FGF11: variants seen among roughly 807,000 people sequenced by gnomAD.
FGF11 encodes fibroblast growth factor homologous factor 3.
In FGF11, 25 loss-of-function variants were observed where a neutral mutation model predicts 25.1. The observed-to-expected ratio is 1.00, with a 90% CI of 0.73 to 1.39. FGF11 has a LOEUF of 1.39. Among genes scored for constraint, FGF11 ranks in the 40% most tolerant of loss-of-function variants. The pLI is 0.00. For missense variants in FGF11, 320 were observed against 311.0 expected (o/e 1.03, Z -0.22); for synonymous variants, 130 against 128.9 (o/e 1.01, Z -0.06).
At chr17:7,439,914 G>C in intron 1 of FGF11, 101 bp downstream of exon 1, 4 of 1,009,960 alleles carry the variant, frequency 4.0e-6, no homozygotes, top group Non-Finnish European at 5.3e-6. Flanking sequence ...GGGGCTCCCC[G>C]AAAGTGGAAG....
Position 7,440,518 on chromosome 17 carries a change from C to A in FGF11, c.193+705C>A. The A allele has an allele frequency of 3.2e-6, 1 of 313,800 alleles. No individual in the cohort carries two copies. The highest frequency in any genetic ancestry group is 4.6e-6 in the Non-Finnish European group (1 of 216,172). The allele number at this position is 313,800 out of a possible 1,614,324, so 19.4% of individuals were successfully genotyped here. A position where few individuals can be genotyped will look rare whatever the true frequency, so the allele number is the denominator to read the frequency against. ...GTTCACGGCTAGAGATGGGCGCCGA[C>A]TCGGGGGTCGTACCACCTACAAGGG... On this transcript the variant is annotated intron_variant, in intron 1 of 4. Coordinates refer to ENST00000293829, the MANE Select transcript of FGF11 (RefSeq NM_004112.4). The surrounding 1 kb of genome is among the most constrained non-coding windows in gnomAD (Gnocchi z 5.4).
Position 7,440,148 on chromosome 17 carries a change from T to A in FGF11, c.193+335T>A. On this transcript the variant is annotated intron_variant, in intron 1 of 4. Transcript: ENST00000293829. The surrounding 1 kb of genome is among the most constrained non-coding windows in gnomAD (Gnocchi z 5.4). The stretch of plus-strand genomic sequence containing the variant: ...GTGCCGGTTCTCGCGATTCTTTCAA[T>A]CTGGAGCGGAGGGGCCCGGGGGTTT... The A allele has an allele frequency of 4.2e-6, 1 of 238,166 alleles. No individual in the cohort carries two copies. The highest frequency in any genetic ancestry group is 8.0e-6 in the Non-Finnish European group (1 of 124,712). 14.8% of individuals were successfully genotyped at this position (238,166 alleles called of 1,614,324 possible). A position where few individuals can be genotyped will look rare whatever the true frequency, so the allele number is the denominator to read the frequency against.
chr17:7,444,420 G>A lies in FGF11; in HGVS notation c.*1274G>A, dbSNP rs1908493626. 6.6e-6 allele frequency: 1 copy of A among 152,636 alleles called. No homozygotes were observed. Among genetic ancestry groups the A allele is most frequent in the African/African-American group, 2.4e-5 (1 of 41,410 alleles). The allele number at this position is 152,636 out of a possible 1,614,324, so 9.5% of individuals were successfully genotyped here. A position where few individuals can be genotyped will look rare whatever the true frequency, so the allele number is the denominator to read the frequency against. ...ATGTCCTTAATAAAAAGGACAAATG[G>A]ATACAGCCTTGACCCTCCCAGTGAG... On this transcript the variant is annotated 3_prime_UTR_variant, in exon 5 of 5. Coordinates refer to ENST00000293829, the MANE Select transcript of FGF11 (RefSeq NM_004112.4).
At chr17:7,442,552 C>T (rs1360150797) in intron 3 of FGF11, 42 bp from the exon 4 acceptor site, 1 of 1,612,148 alleles carries the variant, frequency 6.2e-7, no homozygotes. Flanking sequence ...GTCTTTTTAT[C>T]TCTCTGTCTT....
intron 3 of FGF11, 96 bp downstream of exon 3, chr17:7,441,975 T>C: frequency 1.1e-6 from 1 of 951,696 alleles, no homozygotes; most frequent in Non-Finnish European, 1.5e-6. Context: ...ACTACAGACA[T>C]TTTGCCCGGG....
Position 7,444,824 on chromosome 17 carries a change from T to C in FGF11, c.*1678T>C, listed in dbSNP as rs1908513760. The C allele has an allele frequency of 1.9e-6, 1 of 531,572 alleles. No homozygotes were observed. Among genetic ancestry groups the C allele is most frequent in the Non-Finnish European group, 3.4e-6 (1 of 294,458 alleles). 32.9% of individuals were successfully genotyped at this position (531,572 alleles called of 1,614,324 possible). On this transcript the variant is annotated 3_prime_UTR_variant, in exon 5 of 5. Coordinates refer to ENST00000293829, the MANE Select transcript of FGF11 (RefSeq NM_004112.4). ...TCTGGCTTGTTGCAAGAGGAGTAGA[T>C]GCCCCCTCACCCACACAAACCCCAC...
Position 7,440,907 on chromosome 17 carries a change from G to A in FGF11, c.194-564G>A. On this transcript the variant is annotated intron_variant, in intron 1 of 4. Transcript: ENST00000293829. The surrounding 1 kb of genome is among the most constrained non-coding windows in gnomAD (Gnocchi z 5.4). ...CTGGGCCCCCGGGAGCCAGCGGACTGACAGACAGACAGACAGACAGACAGA... is the reference window on the plus strand; with the variant it reads ...CTGGGCCCCCGGGAGCCAGCGGACTAACAGACAGACAGACAGACAGACAGA... The A allele has an allele frequency of 1.0e-6, 1 of 953,996 alleles. No homozygotes were observed. 59.1% of individuals were successfully genotyped at this position (953,996 alleles called of 1,614,324 possible). A position where few individuals can be genotyped will look rare whatever the true frequency, so the allele number is the denominator to read the frequency against.
intron 3 of FGF11, chr17:7,442,085 A>C: frequency 4.1e-6 from 2 of 493,610 alleles, no homozygotes; most frequent in Non-Finnish European, 7.1e-6. Flanking sequence ...CACCCCCAAA[A>C]CAGCCCCAGG....
chr17:7,444,737 G>A lies in FGF11; in HGVS notation c.*1591G>A. ...CTCAGACTTGGATAGGGTAGGCTGA[G>A]GGGGCCCTAAGGGAGGGACTAAGGC... is the stretch of plus-strand genomic sequence containing the variant. On this transcript the variant is annotated 3_prime_UTR_variant, in exon 5 of 5. Coordinates refer to ENST00000293829, the MANE Select transcript of FGF11 (RefSeq NM_004112.4). 3.4e-6 allele frequency: 1 copy of A among 297,696 alleles called. No individual in the cohort carries two copies. The highest frequency in any genetic ancestry group is 3.7e-5 in the South Asian group (1 of 26,968). The allele number at this position is 297,696 out of a possible 1,614,324, so 18.4% of individuals were successfully genotyped here. A position where few individuals can be genotyped will look rare whatever the true frequency, so the allele number is the denominator to read the frequency against.
chr17:7,441,607 TG>T (rs1908329458), intron 2 of FGF11, 26 bp downstream of exon 2: 1 of 1,613,558 alleles, frequency 6.2e-7, no homozygotes. Flanking sequence ...GGCTGCAGGG[TG>T]GGAAGGGGGA....
chr17:7,439,105 C>T (rs190878951), upstream of FGF11: 3 of 152,342 alleles, frequency 2.0e-5, no homozygotes, highest in Admixed American at 2.0e-4. Flanking sequence ...GGAAAAAACA[C>T]CAAGGTTGGG....
chr17:7,442,996 C>A, intron 4 of FGF11, 80 bp from the exon 5 acceptor site: 1 of 1,245,956 alleles, frequency 8.0e-7, no homozygotes, highest in Non-Finnish European at 1.2e-6. Flanking sequence ...GGGAAGGGAG[C>A]CCTTTTGGAG....
At chr17:7,439,839 C>G in intron 1 of FGF11, 26 bp downstream of exon 1, 1 of 1,401,116 alleles carries the variant, frequency 7.1e-7, no homozygotes, top group Non-Finnish European at 9.2e-7. Flanking sequence ...GCGGGGTCTC[C>G]CGGCCAGAGG....
chr17:7,439,682 G>A lies in FGF11; in HGVS notation c.62G>A (p.Ser21Asn). 1 of 1,544,196 alleles carries A rather than the reference G, an allele frequency of 6.5e-7. No individual in the cohort carries two copies. Among genetic ancestry groups the A allele is most frequent in the Non-Finnish European group, 8.7e-7 (1 of 1,152,088 alleles). ...CGGGAGGTCCGCGAGCCCGGGGGCAGCCGGCCGGTGTCGGCGCAGCGGCGC... is the reference window on the plus strand; with the variant it reads ...CGGGAGGTCCGCGAGCCCGGGGGCAACCGGCCGGTGTCGGCGCAGCGGCGC... ...QKREVREPGG[S>N]RPVSAQRRVC... Residue 21 changes from serine (S) to asparagine (N), a missense_variant, in exon 1 of 5, where the codon AGC becomes AAC. By Grantham distance (46) the Ser-to-Asn change is conservative (BLOSUM62 1). Coordinates refer to ENST00000293829, the MANE Select transcript of FGF11 (RefSeq NM_004112.4).
intron 3 of FGF11, 47 bp from the exon 4 acceptor site, chr17:7,442,547 T>C (rs1288292951): frequency 1.9e-6 from 3 of 1,612,162 alleles, no homozygotes; most frequent in Non-Finnish European, 2.5e-6. Flanking sequence ...GATGTGTCTT[T>C]TTATCTCTCT....
chr17:7,441,411 T>G (rs748476623), intron 1 of FGF11, 60 bp from the exon 2 acceptor site: 1 of 1,605,450 alleles, frequency 6.2e-7, no homozygotes, highest in East Asian at 2.2e-5. Context: ...TCCTGCCAAG[T>G]GTAGGAATGT....
rs1908384932 is a variant in FGF11 at position 7,442,663 on chromosome 17, G to GCT, written c.483_484dup (p.Tyr162SerfsTer22). ...GAATTACTACGTCCTGTACGCCTCT[G>GCT]CTCTCTACCGCCAGCGTCGTTCTGG... On this transcript the variant is annotated frameshift_variant, in exon 4 of 5. Transcript: ENST00000293829. LOFTEE classifies it high-confidence loss of function. 1 of 1,614,050 alleles carries GCT rather than the reference G, an allele frequency of 6.2e-7. No individual in the cohort carries two copies. The highest frequency in any genetic ancestry group is 8.5e-7 in the Non-Finnish European group (1 of 1,180,046).
chr17:7,440,061 T>C lies in FGF11; in HGVS notation c.193+248T>C. 1 of 388,034 alleles carries C rather than the reference T, an allele frequency of 2.6e-6. No homozygotes were observed. The highest frequency in any genetic ancestry group is 4.6e-6 in the Non-Finnish European group (1 of 219,210). 24.0% of individuals were successfully genotyped at this position (388,034 alleles called of 1,614,324 possible). On this transcript the variant is annotated intron_variant, in intron 1 of 4. Transcript: ENST00000293829. This position sits in a 1 kb window ranked among gnomAD's most constrained non-coding sequence, Gnocchi z 5.4. ...GCTGCCTGGCGCCCCGAAAGCCTCG[T>C]AGTTCCTGCTCGTCCCCCCTTCCCA...
rs1423681422 is a variant in FGF11 at position 7,440,790 on chromosome 17, C to T, written c.194-681C>T. ...CGTGACTCAGCCTGCCTCTCCATCTCCTCAGCTCCCACCCCCCATATCCTT... is the reference window on the plus strand; with the variant it reads ...CGTGACTCAGCCTGCCTCTCCATCTTCTCAGCTCCCACCCCCCATATCCTT... On this transcript the variant is annotated intron_variant, in intron 1 of 4. Coordinates refer to ENST00000293829, the MANE Select transcript of FGF11 (RefSeq NM_004112.4). The surrounding 1 kb of genome is among the most constrained non-coding windows in gnomAD (Gnocchi z 5.4). 1.0e-6 allele frequency: 1 copy of T among 987,098 alleles called. No homozygotes were observed. The highest frequency in any genetic ancestry group is 1.2e-6 in the Non-Finnish European group (1 of 831,238). The allele number at this position is 987,098 out of a possible 1,614,324, so 61.1% of individuals were successfully genotyped here.
Sources: gnomAD v4.1 joint callset for allele counts on GRCh38, gnomAD v4.1.1 for gene constraint, Gnocchi (gnomAD v3.1) non-coding constraint, MANE v1.5 for transcripts, NCBI Gene and HGNC (gene_info 2026-07-23, HGNC 2026-07-21) for gene names.